The following CRHR2 variants were observed in gnomAD, a reference collection of about 807,000 sequenced individuals.
The protein encoded by CRHR2 is corticotropin releasing hormone receptor 2, also known as corticotropin-releasing hormone receptor 2.
CRHR2 carries 53 observed loss-of-function variants against 57.9 expected under a neutral mutation model. The observed-to-expected ratio is 0.92, with a 90% CI of 0.73 to 1.15. CRHR2 has a LOEUF of 1.15. Among genes scored for constraint, CRHR2 ranks in the 50% most tolerant of loss-of-function variants. The pLI, the probability that CRHR2 is intolerant of heterozygous loss-of-function variation, is 0.00. For missense variants in CRHR2, 532 were observed against 542.6 expected (o/e 0.98, Z 0.19); for synonymous variants, 213 against 220.9 (o/e 0.96, Z 0.32).
upstream of CRHR2, among the ~76,000 whole-genome samples, chr7:30,683,808 A>C (rs1784799540): frequency 6.6e-6 from 1 of 152,178 alleles, no homozygotes; most frequent in African/African-American, 2.4e-5. Context: ...TAGTCTCAGA[A>C]ACCAGTCCTG....
intron 1 of CRHR2, among the ~76,000 whole-genome samples, chr7:30,692,255 C>T (rs916869139): frequency 1.3e-5 from 2 of 152,162 alleles, no homozygotes; most frequent in Admixed American, 6.5e-5. Context: ...GTCCCCTCAT[C>T]GGGACTCCCA....
At chr7:30,682,106 CG>C in intron 1 of CRHR2, 66 bp from the exon 2 acceptor site, 1 of 1,539,474 alleles carries the variant, frequency 6.5e-7, no homozygotes, top group South Asian at 1.2e-5. Context: ...TCTCGGAGCG[CG>C]GGGTCAGGGG....
At chr7:30,688,019 A>G (rs1180879975) in intron 2 of CRHR2, among the ~76,000 whole-genome samples, 3 of 152,234 alleles carry the variant, frequency 2.0e-5, no homozygotes, top group Non-Finnish European at 4.4e-5. Context: ...GTGTTGCTCC[A>G]AAATTTGTAT....
intron 11 of CRHR2, among the ~76,000 whole-genome samples, chr7:30,654,117 G>A (rs182560256): frequency 1.3e-3 from 198 of 152,282 alleles, no homozygotes; most frequent in Admixed American, 3.1e-3. Context: ...TGCCTGAAAG[G>A]GAAAGCTCTC....
upstream of CRHR2, among the ~76,000 whole-genome samples, chr7:30,684,269 C>A (rs561508887): frequency 1.8e-4 from 28 of 152,344 alleles, no homozygotes; most frequent in Non-Finnish European, 3.2e-4. Flanking sequence ...GGTGGCTGGC[C>A]AGGTCAGCCC....
At chr7:30,662,989 G>T in intron 5 of CRHR2, 142 bp from the exon 6 acceptor site, 1 of 1,003,428 alleles carries the variant, frequency 1.0e-6, no homozygotes, top group Non-Finnish European at 1.4e-6. Context: ...ACCTCACTCT[G>T]AAAAGCTTCA....
At chr7:30,689,100 G>T in intron 2 of CRHR2, 1 of 1,176,184 alleles carries the variant, frequency 8.5e-7, no homozygotes. Flanking sequence ...ACCCTGCTGA[G>T]CCTGGGCTGG....
At chr7:30,672,943 G>A (rs1040800614) in intron 2 of CRHR2, among the ~76,000 whole-genome samples, 14 of 152,200 alleles carry the variant, frequency 9.2e-5, no homozygotes, top group Non-Finnish European at 2.1e-4. Flanking sequence ...GCTTCCTCAC[G>A]GGAGACCCTG....
At chr7:30,655,819 G>T (rs546243555) in intron 9 of CRHR2, 104 bp from the exon 10 acceptor site, 1 of 1,584,982 alleles carries the variant, frequency 6.3e-7, no homozygotes, top group South Asian at 1.1e-5. Context: ...GAGCTTGAGC[G>T]AGCTCCCTGG....
intron 2 of CRHR2, chr7:30,689,023 G>T (rs932169604): frequency 1.5e-6 from 1 of 689,392 alleles, no homozygotes; most frequent in Non-Finnish European, 2.6e-6. Context: ...AATGGGGAAG[G>T]GCCTGCGTAA....
chr7:30,693,026 G>A (rs572779121), intron 1 of CRHR2, among the ~76,000 whole-genome samples: 191 of 152,310 alleles, frequency 1.3e-3, no homozygotes, highest in African/African-American at 4.1e-3. Flanking sequence ...TCAGGAGGCC[G>A]CTCAGGTGAG....
chr7:30,669,179 C>T (rs1026194440), intron 2 of CRHR2, among the ~76,000 whole-genome samples: 1 of 152,184 alleles, frequency 6.6e-6, no homozygotes, highest in Non-Finnish European at 1.5e-5. Context: ...AATTTATCTT[C>T]TATATGTTCA....
At chr7:30,662,117 C>T (rs1424377632) in intron 7 of CRHR2, 39 bp downstream of exon 7, 1 of 1,610,472 alleles carries the variant, frequency 6.2e-7, no homozygotes, top group South Asian at 1.1e-5. Context: ...ACCCCCATTC[C>T]CTTCCCCATG....
rs1308926955 is a variant in CRHR2, at chr7:30,665,670, G to A, written c.316-31C>T. On this transcript the variant is annotated intron_variant, in intron 3 of 11. Transcript: ENST00000471646. The surrounding 1 kb of genome is among the most constrained non-coding windows in gnomAD (Gnocchi z 4.5). ...CAGACAGACATGGGCAGGGCAGATG[G>A]AGGCATGGGCACGTGGGGGTGGGGC... 4 of 1,538,236 alleles carry A rather than the reference G, an allele frequency of 2.6e-6. No homozygotes were observed. Among genetic ancestry groups the A allele is most frequent in the Non-Finnish European group, 3.5e-6 (4 of 1,134,840 alleles).
Position 30,682,229 on chromosome 7 carries a change from G to T in CRHR2, c.52C>A (p.Leu18Met). Reference sequence around the variant, plus strand: ...CCGTCCAAGAGCAGCTCTTCAGCCAGCGCCAGGCTGCAGTTGGCCTCCAGC... The same window carrying T: ...CCGTCCAAGAGCAGCTCTTCAGCCATCGCCAGGCTGCAGTTGGCCTCCAGC... ...SLLEANCSLALAEELLLDGWG... is the reference protein window; with the variant it reads ...SLLEANCSLAMAEELLLDGWG... The change falls in exon 1 of 12, where the codon CTG becomes ATG. Residue 18 changes from leucine to methionine, a missense_variant. Physicochemically the swap from Leu to Met is conservative, Grantham distance 15 (BLOSUM62 2). Transcript: ENST00000471646. 6.3e-7 allele frequency: 1 copy of T among 1,590,208 alleles called. No individual in the cohort carries two copies. Among genetic ancestry groups the T allele is most frequent in the East Asian group, 2.3e-5 (1 of 43,778 alleles).
intron 1 of CRHR2, among the ~76,000 whole-genome samples, chr7:30,695,395 T>C (rs1785036971): frequency 6.6e-6 from 1 of 152,046 alleles, no homozygotes; most frequent in Admixed American, 6.6e-5. Context: ...CCTTCCCAGT[T>C]CCCCTCCAGC....
Position 30,655,910 on chromosome 7 carries a change from G to A in CRHR2, c.917+17C>T, listed in dbSNP as rs1363485058. ...CCTCCTGTCCCCATTGTGGGGTCAA[G>A]GGACCCCCTCACATACCTGTACTGG... On this transcript the variant is annotated intron_variant, in intron 9 of 11. Transcript: ENST00000471646. 1.2e-6 allele frequency: 2 copies of A among 1,611,848 alleles called. No individual in the cohort carries two copies. The highest frequency in any genetic ancestry group is 1.7e-6 in the Non-Finnish European group (2 of 1,178,220).
intron 2 of CRHR2, among the ~76,000 whole-genome samples, chr7:30,677,049 T>G: frequency 1.3e-5 from 2 of 150,980 alleles, no homozygotes; most frequent in East Asian, 1.9e-4. Context: ...AGGAGGGAGG[T>G]GGCAAGACCC....
chr7:30,653,325 C>G lies in CRHR2; in HGVS notation c.*135G>C. The G allele has an allele frequency of 7.5e-7, 1 of 1,327,754 alleles. No individual in the cohort carries two copies. Among genetic ancestry groups the G allele is most frequent in the Non-Finnish European group, 1.0e-6 (1 of 974,652 alleles). The allele number at this position is 1,327,754 out of a possible 1,614,324, so 82.2% of individuals were successfully genotyped here. On this transcript the variant is annotated 3_prime_UTR_variant, in exon 12 of 12. Transcript: ENST00000471646. This position sits in a 1 kb window ranked among gnomAD's most constrained non-coding sequence, Gnocchi z 5.0. ...GCAGTCCCCCTTGGCTGCCGCACCCCCTCTTTCCTGCCAGGCTGGAGAGCT... is the reference window on the plus strand; with the variant it reads ...GCAGTCCCCCTTGGCTGCCGCACCCGCTCTTTCCTGCCAGGCTGGAGAGCT...
Sources: gnomAD v4.1 joint callset for allele counts (sites outside exome capture counted in the v4.1 genomes callset) on GRCh38, gnomAD v4.1.1 for gene constraint, Gnocchi (gnomAD v3.1) non-coding constraint, MANE v1.5 for transcripts, NCBI Gene and HGNC (gene_info 2026-07-23, HGNC 2026-07-21) for gene names.